The following NBAS variants were observed in gnomAD, a reference collection of about 807,000 sequenced individuals.
NBAS encodes NBAS subunit of NRZ tethering complex.
A neutral mutation model predicts 302.5 loss-of-function variants in NBAS; 219 were observed. The observed-to-expected ratio is 0.72, with a 90% CI of 0.65 to 0.81. The LOEUF is 0.81. NBAS is among the 30% of genes least tolerant of loss of function. NBAS has a pLI of 0.00. For missense variants in NBAS, 2,932 were observed against 2,841.6 expected (o/e 1.03, Z -0.72); for synonymous variants, 1,118 against 1,021.6 (o/e 1.09, Z -1.80).
At position 15,511,279 on chromosome 2, in the gene NBAS, G is replaced by A. The variant is rs1404940077; in HGVS notation, c.818C>T (p.Ala273Val). Residue 273 changes from alanine (A) to valine (V), a missense_variant, in exon 10 of 52, where the codon GCC becomes GTC. Coordinates refer to ENST00000281513, the MANE Select transcript of NBAS (RefSeq NM_015909.4). ...CGGTGATCCTGAAAGAACTCTCCAGGCAGAAAGGCCACAGCTAGAAGCTTT... is the reference window on the plus strand; with the variant it reads ...CGGTGATCCTGAAAGAACTCTCCAGACAGAAAGGCCACAGCTAGAAGCTTT... ...MSKASSCGLS[A>V]WRVLSGSPYY... The A allele has an allele frequency of 6.2e-7, 1 of 1,614,000 alleles. No homozygotes were observed. The highest frequency in any genetic ancestry group is 8.5e-7 in the Non-Finnish European group (1 of 1,179,942).
the NBAS span, chr2:14,890,789 C>G: frequency 6.2e-6 from 1 of 161,648 alleles, no homozygotes. Context: ...CACCATTGCA[C>G]TCCAGCCTGG....
intron 40 of NBAS, among the ~76,000 whole-genome samples, chr2:15,307,727 AG>A (rs1671091066): frequency 6.6e-6 from 1 of 152,294 alleles, no homozygotes; most frequent in East Asian, 1.9e-4. Flanking sequence ...GTTACATAAA[AG>A]CTGTCTGAGG....
the NBAS span, among the ~76,000 whole-genome samples, chr2:14,893,950 G>C: frequency 6.6e-6 from 1 of 152,148 alleles, no homozygotes; most frequent in Non-Finnish European, 1.5e-5. Flanking sequence ...AATCTATTCT[G>C]TTGAACCATC....
At chr2:15,313,519 G>A (rs1294006690) in intron 38 of NBAS, among the ~76,000 whole-genome samples, 3 of 152,184 alleles carry the variant, frequency 2.0e-5, no homozygotes, top group African/African-American at 4.8e-5. Context: ...CCTATCAGGC[G>A]ATTGACAATG....
At chr2:15,547,950 CT>C (rs959296873) in intron 6 of NBAS, among the ~76,000 whole-genome samples, 18 of 152,168 alleles carry the variant, frequency 1.2e-4, no homozygotes, top group African/African-American at 4.3e-4. Flanking sequence ...CTTATCCACC[CT>C]TATTGCTCTA....
At chr2:15,397,826 A>G in intron 26 of NBAS, 1 of 187,790 alleles carries the variant, frequency 5.3e-6, no homozygotes, top group South Asian at 1.3e-4. Flanking sequence ...TATTAACAAT[A>G]AGCCCAAACA....
At chr2:15,074,020 T>G in the NBAS span, among the ~76,000 whole-genome samples, 1 of 152,176 alleles carries the variant, frequency 6.6e-6, no homozygotes, top group African/African-American at 2.4e-5. Context: ...GAAAAAATCT[T>G]ATGAATAATG....
the NBAS span, among the ~76,000 whole-genome samples, chr2:15,072,246 G>C: frequency 6.6e-6 from 1 of 152,124 alleles, no homozygotes; most frequent in South Asian, 2.1e-4. Context: ...TACTCGCCTT[G>C]CTGTTTTAAT....
At chr2:15,463,811 A>G (rs931235915) in intron 19 of NBAS, among the ~76,000 whole-genome samples, 3 of 138,596 alleles carry the variant, frequency 2.2e-5, no homozygotes, top group African/African-American at 8.0e-5. Flanking sequence ...AAAAAGCACC[A>G]GGAAAATCTG....
intron 38 of NBAS, among the ~76,000 whole-genome samples, chr2:15,322,854 A>G (rs1671874653): frequency 6.6e-6 from 1 of 152,180 alleles, no homozygotes; most frequent in Non-Finnish European, 1.5e-5. Context: ...CATTATCAAA[A>G]TATACAAAAT....
In NBAS at chr2:15,252,468, A is replaced by G. The variant is rs553262163; in HGVS notation, c.5725-13782T>C. Among the ~76,000 whole-genome samples, 12 of 152,262 alleles carry G rather than the reference A, an allele frequency of 7.9e-5. No homozygotes were observed. The South Asian group carries it at 1.5e-3, about 18-fold the overall frequency. ...AGCTGAGATCGCGCCATTGCACACC[A>G]GCCTGGGCAACAAGAGCGAAACTCC... On this transcript the variant is annotated intron_variant, in intron 44 of 51. Coordinates refer to ENST00000281513, the MANE Select transcript of NBAS (RefSeq NM_015909.4).
chr2:14,791,119 T>G, the NBAS span, among the ~76,000 whole-genome samples: 2 of 152,084 alleles, frequency 1.3e-5, no homozygotes, highest in African/African-American at 2.4e-5. Context: ...CCTCCCAAAG[T>G]GCTGGGATTA....
intron 42 of NBAS, among the ~76,000 whole-genome samples, chr2:15,283,463 T>C (rs535438173): frequency 6.6e-6 from 1 of 152,212 alleles, no homozygotes; most frequent in African/African-American, 2.4e-5. Flanking sequence ...TGAGATCTGA[T>C]GGTTGTATAA....
intron 14 of NBAS, 102 bp downstream of exon 14, chr2:15,475,585 A>T: frequency 8.3e-7 from 1 of 1,200,704 alleles, no homozygotes. Flanking sequence ...ACAGATTTTT[A>T]TTTTTAAAGA....
At chr2:15,334,081 T>TA (rs1672470524) in intron 35 of NBAS, among the ~76,000 whole-genome samples, 1 of 152,128 alleles carries the variant, frequency 6.6e-6, no homozygotes, top group Non-Finnish European at 1.5e-5. Context: ...ATAAAAGTGT[T>TA]AAAAATTATA....
At chr2:14,970,016 A>G in the NBAS span, among the ~76,000 whole-genome samples, 2 of 152,230 alleles carry the variant, frequency 1.3e-5, no homozygotes, top group Non-Finnish European at 2.9e-5. Flanking sequence ...AACTTTTAGA[A>G]AATAAACTTT....
chr2:15,199,092 A>C (rs1026460237), intron 48 of NBAS, among the ~76,000 whole-genome samples: 4 of 140,908 alleles, frequency 2.8e-5, no homozygotes, highest in African/African-American at 1.1e-4. Flanking sequence ...GTGCCACTGC[A>C]CTCCAGCCTG....
At chr2:14,884,117 T>C in the NBAS span, among the ~76,000 whole-genome samples, 15 of 152,206 alleles carry the variant, frequency 9.9e-5, no homozygotes, top group South Asian at 2.9e-3. Context: ...TCCCTTAGGA[T>C]GCATGCCCAC....
the NBAS span, among the ~76,000 whole-genome samples, chr2:15,118,690 C>T: frequency 6.6e-5 from 10 of 152,078 alleles, 1 homozygote; most frequent in Admixed American, 2.6e-4. Context: ...AAAGAGACAC[C>T]GTGTCCTGGC....
Sources: gnomAD v4.1 joint callset for allele counts (sites outside exome capture counted in the v4.1 genomes callset) on GRCh38, gnomAD v4.1.1 for gene constraint, MANE v1.5 for transcripts, NCBI Gene and HGNC (gene_info 2026-07-23, HGNC 2026-07-21) for gene names.